Variants in TRPM3 observed in about 807,000 individuals in gnomAD.
TRPM3 encodes the protein long transient receptor potential channel 3.
TRPM3 carries 77 observed loss-of-function variants against 181.2 expected under a neutral mutation model. The ratio of observed to expected loss-of-function variants is 0.42; its 90% CI spans 0.35 to 0.51. The LOEUF (loss-of-function observed/expected upper bound fraction) is 0.51. TRPM3 is among the 20% of genes least tolerant of loss of function. The probability of loss-of-function intolerance (pLI) is 0.01; values close to 1 mark genes in which losing one functional copy is unlikely to be tolerated. For missense variants in TRPM3, 1,759 were observed against 2,196.7 expected (o/e 0.80, Z 3.98); for synonymous variants, 745 against 796.4 (o/e 0.94, Z 1.09).
intron 15 of TRPM3, 112 bp downstream of exon 15, chr9:70,621,132 A>G (rs976079726): frequency 1.8e-5 from 5 of 281,746 alleles, no homozygotes; most frequent in African/African-American, 1.2e-4. Context: ...TATATATATT[A>G]TGTGTATATA....
intron 1 of TRPM3, among the ~76,000 whole-genome samples, chr9:71,017,179 G>A (rs2097791650): frequency 6.6e-6 from 1 of 151,918 alleles, no homozygotes; most frequent in South Asian, 2.1e-4. Flanking sequence ...ACATGTATAG[G>A]ACAACCATGA....
intron 1 of TRPM3, among the ~76,000 whole-genome samples, chr9:70,897,764 T>C (rs2096300812): frequency 1.3e-5 from 2 of 152,266 alleles, no homozygotes; most frequent in African/African-American, 2.4e-5. Context: ...GATAACCTAT[T>C]AGTTGGTGCA....
At chr9:70,744,296 T>C (rs1023895819) in intron 8 of TRPM3, among the ~76,000 whole-genome samples, 6 of 148,178 alleles carry the variant, frequency 4.0e-5, no homozygotes, top group African/African-American at 1.5e-4. Context: ...CCACTGCACC[T>C]CAGCCTGGGT....
At chr9:70,543,467 A>G (rs1344058668) in intron 25 of TRPM3, among the ~76,000 whole-genome samples, 1 of 152,232 alleles carries the variant, frequency 6.6e-6, no homozygotes, top group East Asian at 1.9e-4. Context: ...GTACCCATTA[A>G]CCATTCTCAT....
chr9:70,828,279 T>C (rs2093676272), intron 5 of TRPM3, among the ~76,000 whole-genome samples: 1 of 152,220 alleles, frequency 6.6e-6, no homozygotes, highest in Admixed American at 6.5e-5. Context: ...GCTCTCATTG[T>C]ACTAAAAAAC....
At chr9:71,417,893 T>C (rs541732094) in intron 1 of TRPM3, among the ~76,000 whole-genome samples, 1 of 152,138 alleles carries the variant, frequency 6.6e-6, no homozygotes, top group African/African-American at 2.4e-5. Flanking sequence ...TTATTTGTCA[T>C]GTTCTGTCAC....
intron 6 of TRPM3, among the ~76,000 whole-genome samples, chr9:70,802,174 AT>A (rs1385106911): frequency 6.6e-6 from 1 of 152,210 alleles, no homozygotes; most frequent in Non-Finnish European, 1.5e-5. Flanking sequence ...AAGAAGTGAA[AT>A]CTAAAAAGTG....
At chr9:70,748,614 C>A (rs887486176) in intron 8 of TRPM3, among the ~76,000 whole-genome samples, 2 of 152,048 alleles carry the variant, frequency 1.3e-5, no homozygotes. Flanking sequence ...AGTGCCCTTA[C>A]GAAAAAGGCC....
intron 1 of TRPM3, among the ~76,000 whole-genome samples, chr9:71,152,027 A>G (rs2075763241): frequency 6.6e-6 from 1 of 152,114 alleles, no homozygotes; most frequent in Admixed American, 6.6e-5. Context: ...TTGTTTTTCA[A>G]TCGATTTATA....
At chr9:70,761,438 T>C (rs2078115317) in intron 8 of TRPM3, 163 bp downstream of exon 8, 1 of 860,238 alleles carries the variant, frequency 1.2e-6, no homozygotes, top group Non-Finnish European at 1.9e-6. Flanking sequence ...AAGCAGTGTC[T>C]TAGTTACTTA....
chr9:71,282,688 A>G (rs1390828859), intron 1 of TRPM3, among the ~76,000 whole-genome samples: 1 of 152,254 alleles, frequency 6.6e-6, no homozygotes. Context: ...ATGAGAACTT[A>G]AACCATAGGA....
At chr9:71,104,612 T>C (rs1325449614) in intron 1 of TRPM3, among the ~76,000 whole-genome samples, 1 of 152,184 alleles carries the variant, frequency 6.6e-6, no homozygotes, top group Non-Finnish European at 1.5e-5. Context: ...GTATAAATCA[T>C]GCATCTTAGT....
At position 71,276,466 on chromosome 9, in the gene TRPM3, A is replaced by T. The variant is rs73647998; in HGVS notation, c.183+170187T>A. Among the ~76,000 whole-genome samples, 108 of 152,236 alleles carry T rather than the reference A, an allele frequency of 7.1e-4. 1 individual carries two copies. The East Asian group carries it at 0.016, about 22-fold the overall frequency. ...TTACTATGTAGCATATACAAAAAAA[A>T]CTCCAAGAATCAGCAAGAAACACTA... On this transcript the variant is annotated intron_variant, in intron 1 of 24. Coordinates refer to the TRPM3 transcript ENST00000357533.
chr9:71,420,645 G>GAAAGAGAAAGAA (rs771454571), intron 1 of TRPM3, among the ~76,000 whole-genome samples: 1 of 116,464 alleles, frequency 8.6e-6, no homozygotes, highest in Admixed American at 8.8e-5. Flanking sequence ...AAAAGAGAGA[G>GAAAGAGAAAGAA]AAAGAGAAAG....
At chr9:71,041,565 C>T (rs979800047) in intron 1 of TRPM3, among the ~76,000 whole-genome samples, 2 of 151,962 alleles carry the variant, frequency 1.3e-5, no homozygotes, top group Non-Finnish European at 1.5e-5. Flanking sequence ...ATGTCCAAAT[C>T]GATGCATAGA....
intron 1 of TRPM3, among the ~76,000 whole-genome samples, chr9:71,048,627 A>C (rs536204384): frequency 6.6e-6 from 1 of 152,322 alleles, no homozygotes; most frequent in African/African-American, 2.4e-5. Context: ...AGGTAGAACC[A>C]TGTTCCACTC....
At chr9:70,968,752 A>G (rs2097209678) in intron 1 of TRPM3, among the ~76,000 whole-genome samples, 1 of 152,142 alleles carries the variant, frequency 6.6e-6, no homozygotes, top group African/African-American at 2.4e-5. Flanking sequence ...ACAATTATAT[A>G]AGGTAGATAG....
rs186312752 is a variant in TRPM3, at chr9:71,389,049, C to T, written c.183+57604G>A. On this transcript the variant is annotated intron_variant, in intron 1 of 24. Transcript: ENST00000357533. ...CCAAACGAAATTCAAACAACCCATCCGGAAAACTTATTTAGAAGAAAATCT... is the reference window on the plus strand; with the variant it reads ...CCAAACGAAATTCAAACAACCCATCTGGAAAACTTATTTAGAAGAAAATCT... Among the ~76,000 whole-genome samples, 13 of 151,912 alleles carry T rather than the reference C, an allele frequency of 8.6e-5. No homozygotes were observed. The East Asian group carries it at 1.9e-3, about 23-fold the overall frequency.
chr9:71,423,689 C>T (rs1171809484), intron 1 of TRPM3, among the ~76,000 whole-genome samples: 3 of 152,090 alleles, frequency 2.0e-5, no homozygotes, highest in Admixed American at 6.6e-5. Flanking sequence ...TACAAACACA[C>T]GTATATATGT....
Sources: allele counts gnomAD v4.1 joint callset (sites outside exome capture counted in the v4.1 genomes callset), GRCh38; gene constraint gnomAD v4.1.1; transcripts MANE v1.5; gene names NCBI Gene and HGNC (gene_info 2026-07-23, HGNC 2026-07-21).